The following PLXDC2 variants were observed in gnomAD, a reference collection of about 807,000 sequenced individuals.
The protein encoded by PLXDC2 is plexin domain-containing protein 2.
Under a neutral mutation model 68.9 loss-of-function variants are expected in PLXDC2, and 40 were observed. The observed-to-expected ratio is 0.58, with a 90% CI of 0.45 to 0.76. The LOEUF (loss-of-function observed/expected upper bound fraction) is 0.76. PLXDC2 is among the 30% of genes least tolerant of loss of function. The pLI is 0.00. For synonymous variants in PLXDC2, 243 were observed against 234.2 expected, an observed-to-expected ratio of 1.04 and a Z score of -0.34; for missense variants, 644 against 661.9, an observed-to-expected ratio of 0.97 and a Z score of 0.30.
At chr10:19,975,028 C>A (rs929030646) in intron 1 of PLXDC2, among the ~76,000 whole-genome samples, 3 of 152,166 alleles carry the variant, frequency 2.0e-5, no homozygotes, top group African/African-American at 7.2e-5. Context: ...TCGGCTCTGT[C>A]ATGTCCCACT....
chr10:19,912,075 T>G (rs1056788483), intron 1 of PLXDC2, among the ~76,000 whole-genome samples: 3 of 152,212 alleles, frequency 2.0e-5, no homozygotes, highest in Admixed American at 2.0e-4. Flanking sequence ...CACATGTTAC[T>G]TTCAATCACA....
chr10:20,270,537 T>C (rs1835924686), intron 13 of PLXDC2, among the ~76,000 whole-genome samples: 1 of 152,164 alleles, frequency 6.6e-6, no homozygotes, highest in Non-Finnish European at 1.5e-5. Flanking sequence ...AACTGAGAAA[T>C]TGAATTTTCT....
intron 7 of PLXDC2, among the ~76,000 whole-genome samples, chr10:20,176,575 T>C (rs1025811655): frequency 2.0e-5 from 3 of 152,170 alleles, no homozygotes; most frequent in African/African-American, 4.8e-5. Flanking sequence ...ACATTGTTAT[T>C]CTCCATTAAC....
Position 20,217,492 on chromosome 10 carries a change from G to A in PLXDC2, c.1189G>A (p.Gly397Arg). The A allele has an allele frequency of 1.2e-6, 2 of 1,612,340 alleles. No individual in the cohort carries two copies. The highest frequency in any genetic ancestry group is 1.7e-6 in the Non-Finnish European group (2 of 1,179,118). ...ETSSRTTTTV[G>R]ATTTQFRVLT... ...TTCTTCTCGAACCACCACAACCGTAGGAGCGACAACCACCCAGTTCAGGGT... is the reference window on the plus strand; with the variant it reads ...TTCTTCTCGAACCACCACAACCGTAAGAGCGACAACCACCCAGTTCAGGGT... Residue 397 changes from glycine to arginine, a missense_variant, in exon 11 of 14, where the codon GGA (glycine) becomes AGA (arginine). Coordinates refer to ENST00000377252, the MANE Select transcript of PLXDC2 (RefSeq NM_032812.9).
chr10:19,829,590 G>A (rs187147101), intron 1 of PLXDC2, among the ~76,000 whole-genome samples: 2 of 151,892 alleles, frequency 1.3e-5, no homozygotes, highest in Non-Finnish European at 1.5e-5. Flanking sequence ...TTAGCCAGAC[G>A]TGGTGGCGGG....
intron 1 of PLXDC2, among the ~76,000 whole-genome samples, chr10:19,883,293 T>A (rs1333472226): frequency 6.6e-6 from 1 of 152,150 alleles, no homozygotes; most frequent in Non-Finnish European, 1.5e-5. Context: ...AAATTGCAAG[T>A]TAAAAGTGCG....
chr10:20,250,680 T>A (rs1182643010), intron 13 of PLXDC2, among the ~76,000 whole-genome samples: 1 of 152,196 alleles, frequency 6.6e-6, no homozygotes. Context: ...TTTTTCTTCA[T>A]ATGCTGTATG....
At chr10:20,168,047 T>A (rs1431994545) in intron 7 of PLXDC2, among the ~76,000 whole-genome samples, 1 of 152,112 alleles carries the variant, frequency 6.6e-6, no homozygotes, top group African/African-American at 2.4e-5. Flanking sequence ...GATCTGATAG[T>A]TTCAATATCA....
intron 11 of PLXDC2, among the ~76,000 whole-genome samples, chr10:20,218,672 G>C (rs764270204): frequency 9.9e-5 from 15 of 151,872 alleles, no homozygotes; most frequent in Non-Finnish European, 1.6e-4. Flanking sequence ...AATCTTAACT[G>C]TCACAATGAA....
At chr10:20,255,173 A>C in intron 13 of PLXDC2, among the ~76,000 whole-genome samples, 1 of 145,866 alleles carries the variant, frequency 6.9e-6, no homozygotes. Context: ...AGATGGATGG[A>C]TGGGTGGATA....
chr10:20,007,619 G>T (rs1333969482), intron 2 of PLXDC2, among the ~76,000 whole-genome samples: 1 of 152,240 alleles, frequency 6.6e-6, no homozygotes, highest in African/African-American at 2.4e-5. Flanking sequence ...GTGACTCAGA[G>T]ATTGGGAGCT....
intron 9 of PLXDC2, among the ~76,000 whole-genome samples, chr10:20,185,812 C>A (rs1834674693): frequency 6.6e-6 from 1 of 151,830 alleles, no homozygotes. Context: ...TGTAGGAAAT[C>A]CAAGAGCCCG....
rs1006968229 is a variant in PLXDC2, at chr10:19,997,890, G to A, written c.113-3885G>A. ...TTATGATAAAAAATCTCAAGAATGT[G>A]TTAAGATCAATGTATATATTGTATT... is the stretch of plus-strand genomic sequence containing the variant. On this transcript the variant is annotated intron_variant, in intron 1 of 13. Coordinates refer to ENST00000377252, the MANE Select transcript of PLXDC2 (RefSeq NM_032812.9). 5.3e-5 allele frequency among the ~76,000 whole-genome samples: 8 copies of A among 152,256 alleles called. No individual in the cohort carries two copies. The East Asian group carries it at 1.5e-3, about 29-fold the overall frequency.
At chr10:20,130,154 G>A (rs1833848211) in intron 4 of PLXDC2, among the ~76,000 whole-genome samples, 1 of 151,802 alleles carries the variant, frequency 6.6e-6, no homozygotes, top group East Asian at 1.9e-4. Context: ...TATGATCACA[G>A]GATATCATTC....
At chr10:19,973,941 A>G (rs1371544718) in intron 1 of PLXDC2, among the ~76,000 whole-genome samples, 1 of 152,252 alleles carries the variant, frequency 6.6e-6, no homozygotes, top group East Asian at 1.9e-4. Context: ...AGCTAAAATT[A>G]GAACATCTCA....
chr10:20,094,011 G>A (rs888385497), intron 4 of PLXDC2, among the ~76,000 whole-genome samples: 4 of 152,152 alleles, frequency 2.6e-5, no homozygotes, highest in Admixed American at 1.3e-4. Context: ...TTTGTAAATA[G>A]CAGCTTACTC....
chr10:19,941,490 G>A (rs1399275119), intron 1 of PLXDC2, among the ~76,000 whole-genome samples: 1 of 152,188 alleles, frequency 6.6e-6, no homozygotes, highest in African/African-American at 2.4e-5. Flanking sequence ...CACATTGCTG[G>A]CTTCCAAGGT....
chr10:19,924,219 C>T (rs1833504382), intron 1 of PLXDC2, among the ~76,000 whole-genome samples: 1 of 152,170 alleles, frequency 6.6e-6, no homozygotes, highest in African/African-American at 2.4e-5. Context: ...CCTGTTTGGC[C>T]ATTGAGTTGC....
chr10:20,147,152 A>C (rs11011827), intron 5 of PLXDC2, among the ~76,000 whole-genome samples: 47,362 of 151,968 alleles, frequency 0.31, 7,877 homozygotes, highest in East Asian at 0.5. Context: ...AGAATATAAT[A>C]TACAGCACTG....
Sources: allele counts gnomAD v4.1 joint callset (sites outside exome capture counted in the v4.1 genomes callset), GRCh38; gene constraint gnomAD v4.1.1; transcripts MANE v1.5; gene names NCBI Gene and HGNC (gene_info 2026-07-23, HGNC 2026-07-21).